CCR9: variants seen among roughly 807,000 people sequenced by gnomAD.
CCR9 encodes the protein C-C chemokine receptor type 9.
Under a neutral mutation model 8.7 loss-of-function variants are expected in CCR9, and 4 were observed. That is an observed-to-expected ratio of 0.46 (90% CI 0.23 to 1.06). The LOEUF is 1.06. Among genes scored for constraint, CCR9 ranks in the 50% least tolerant of loss-of-function variants. The pLI is 0.21. For synonymous variants in CCR9, 159 were observed against 168.8 expected (o/e 0.94, Z 0.45); for missense variants, 394 against 453.6 (o/e 0.87, Z 1.19).
intron 1 of CCR9, 25 bp from the exon 2 acceptor site, chr3:45,894,881 T>C: frequency 1.3e-6 from 2 of 1,593,750 alleles, no homozygotes; most frequent in South Asian, 2.2e-5. Context: ...GCCAGTCCAC[T>C]TTTTGATTTT....
At chr3:45,898,209 AG>A (rs983774910) in intron 2 of CCR9, among the ~76,000 whole-genome samples, 3 of 151,924 alleles carry the variant, frequency 2.0e-5, no homozygotes, top group African/African-American at 7.3e-5. Flanking sequence ...TCTATTCTCA[AG>A]TTCTTCTTTC....
chr3:45,893,533 TAGAGTTTTATACA>T (rs1702256955), intron 1 of CCR9, among the ~76,000 whole-genome samples: 1 of 152,220 alleles, frequency 6.6e-6, no homozygotes, highest in Non-Finnish European at 1.5e-5. Context: ...TTGCATTATT[TAGAGTTTTATACA>T]AGTGAAATCA....
chr3:45,901,271 G>C lies in CCR9; in HGVS notation c.483G>C (p.Arg161Ser). Residue 161 changes from arginine to serine, a missense_variant, in exon 3 of 3, where the codon AGG becomes AGC. By Grantham distance (110) the Arg-to-Ser change is moderately radical. Coordinates refer to ENST00000357632, the MANE Select transcript of CCR9 (RefSeq NM_031200.3). The surrounding 1 kb of genome is among the most constrained non-coding windows in gnomAD (Gnocchi z 4.3). ...GAGCACATACTTGGAGGGAGAAAAG[G>C]CTTTTGTACAGCAAAATGGTTTGCT... The part of the protein sequence containing the change: ...AMRAHTWREK[R>S]LLYSKMVCFT... 6.2e-7 allele frequency: 1 copy of C among 1,614,152 alleles called. No individual in the cohort carries two copies. The highest frequency in any genetic ancestry group is 1.1e-5 in the South Asian group (1 of 91,066).
chr3:45,897,378 C>T (rs1468609106), intron 2 of CCR9, among the ~76,000 whole-genome samples: 1 of 152,156 alleles, frequency 6.6e-6, no homozygotes, highest in Non-Finnish European at 1.5e-5. Context: ...TGCAAAAGCA[C>T]GAGGTCCTTA....
chr3:45,891,655 T>C (rs746288438), intron 1 of CCR9, among the ~76,000 whole-genome samples: 1 of 152,180 alleles, frequency 6.6e-6, no homozygotes, highest in Non-Finnish European at 1.5e-5. Flanking sequence ...GCACCTATTG[T>C]AATGCCCTTA....
chr3:45,894,127 C>T (rs1702274689), intron 1 of CCR9, among the ~76,000 whole-genome samples: 1 of 152,164 alleles, frequency 6.6e-6, no homozygotes, highest in South Asian at 2.1e-4. Context: ...GCTGTTGTTT[C>T]TTTGGTTATG....
Position 45,901,643 on chromosome 3 carries a change from C to G in CCR9, c.855C>G (p.Phe285Leu). The change falls in exon 3 of 3, where the codon TTC becomes TTG. Residue 285 changes from phenylalanine (F) to leucine (L), a missense_variant. Physicochemically the swap from Phe to Leu is conservative, Grantham distance 22 (BLOSUM62 0). Transcript: ENST00000357632. This position sits in a 1 kb window ranked among gnomAD's most constrained non-coding sequence, Gnocchi z 4.3. ...LVQTIDAYAM[F>L]ISNCAVSTNI... Reference sequence around the variant, plus strand: ...AGACCATTGACGCCTATGCCATGTTCATCTCCAACTGTGCCGTTTCCACCA... The same window carrying G: ...AGACCATTGACGCCTATGCCATGTTGATCTCCAACTGTGCCGTTTCCACCA... 2 of 1,614,140 alleles carry G rather than the reference C, an allele frequency of 1.2e-6. No homozygotes were observed. The highest frequency in any genetic ancestry group is 8.5e-7 in the Non-Finnish European group (1 of 1,179,964).
rs149507815 is a variant in CCR9, at chr3:45,901,046, C to T, written c.258C>T (p.Phe86=). Residue 86 remains phenylalanine (F), a synonymous_variant, in exon 3 of 3, where the codon TTC becomes TTT. Coordinates refer to ENST00000357632, the MANE Select transcript of CCR9 (RefSeq NM_031200.3). This position sits in a 1 kb window ranked among gnomAD's most constrained non-coding sequence, Gnocchi z 4.3. ...GAGTGAAGACCATGACCGACATGTT[C>T]CTTTTGAATTTGGCAATTGCTGACC... is the stretch of plus-strand genomic sequence containing the variant. ...CTRVKTMTDM[F]LLNLAIADLL... is the part of the protein sequence containing the mutation. The T allele has an allele frequency of 6.2e-7, 1 of 1,614,198 alleles. No homozygotes were observed. The highest frequency in any genetic ancestry group is 8.5e-7 in the Non-Finnish European group (1 of 1,180,038).
rs1212829378 is a variant in CCR9, at chr3:45,902,377, T to G, written c.*479T>G. 5.9e-6 allele frequency: 1 copy of G among 170,434 alleles called. No individual in the cohort carries two copies. Among genetic ancestry groups the G allele is most frequent in the African/African-American group, 2.4e-5 (1 of 41,496 alleles). 10.6% of individuals were successfully genotyped at this position (170,434 alleles called of 1,614,324 possible). A position where few individuals can be genotyped will look rare whatever the true frequency, so the allele number is the denominator to read the frequency against. On this transcript the variant is annotated 3_prime_UTR_variant, in exon 3 of 3. Transcript: ENST00000357632. ...TTTTCTACCCTGCTCTTGAGCCTGA[T>G]AACCCATGCCAGGTCTTATAGATTC...
chr3:45,889,138 C>A (rs1430883841), intron 1 of CCR9, among the ~76,000 whole-genome samples: 3 of 152,114 alleles, frequency 2.0e-5, no homozygotes, highest in Non-Finnish European at 4.4e-5. Context: ...GGGTAGGCAA[C>A]CATGCCTGGC....
At position 45,890,306 on chromosome 3, in the gene CCR9, TATATATATATTTATATAA is replaced by T. The variant is rs1702122798; in HGVS notation, c.-29+3662_-29+3679del. On this transcript the variant is annotated intron_variant, in intron 1 of 2. Transcript: ENST00000357632. ...TATTTATATAAATATATATATAACA[TATATATATATTTATATAA>T]ATATATATATAACATATATATATAA... Among the ~76,000 whole-genome samples the T allele has an allele frequency of 1.3e-4, 2 of 15,468 alleles. 1 individual carries two copies. The highest frequency in any genetic ancestry group is 2.0e-4 in the Non-Finnish European group (2 of 10,234). The allele number at this position is 15,468 out of a possible 152,430, so 10.1% of individuals were successfully genotyped here.
chr3:45,886,214 T>C (rs1370012545), upstream of CCR9, among the ~76,000 whole-genome samples: 1 of 152,044 alleles, frequency 6.6e-6, no homozygotes, highest in Non-Finnish European at 1.5e-5. Flanking sequence ...TAAAGAAATC[T>C]CATCAGTGTG....
intron 1 of CCR9, among the ~76,000 whole-genome samples, chr3:45,887,277 G>A (rs34338823): frequency 0.089 from 13,452 of 151,908 alleles, 1,028 homozygotes; most frequent in South Asian, 0.36. Context: ...GTGTGTGTGA[G>A]GTTGTGTTAC....
At chr3:45,892,771 C>T (rs1402001283) in intron 1 of CCR9, among the ~76,000 whole-genome samples, 1 of 152,008 alleles carries the variant, frequency 6.6e-6, no homozygotes, top group Non-Finnish European at 1.5e-5. Flanking sequence ...CACGTGGGTC[C>T]GTAGTGATCT....
intron 2 of CCR9, among the ~76,000 whole-genome samples, chr3:45,896,363 G>C (rs563262531): frequency 2.6e-5 from 4 of 152,200 alleles, no homozygotes; most frequent in Admixed American, 2.0e-4. Context: ...GGAGTCTGGC[G>C]CCATCTAAAT....
chr3:45,902,011 T>C lies in CCR9; in HGVS notation c.*113T>C. On this transcript the variant is annotated 3_prime_UTR_variant, in exon 3 of 3. Transcript: ENST00000357632. ...AGAGAAAAGAAAACTCAGAAAGGGA[T>C]GAATCTGAACTATATGATTACTTGT... The C allele has an allele frequency of 1.0e-5, 9 of 897,822 alleles. No homozygotes were observed. Among genetic ancestry groups the C allele is most frequent in the Non-Finnish European group, 1.5e-5 (9 of 593,544 alleles). The allele number at this position is 897,822 out of a possible 1,614,324, so 55.6% of individuals were successfully genotyped here. A position where few individuals can be genotyped will look rare whatever the true frequency, so the allele number is the denominator to read the frequency against.
chr3:45,901,555 C>T lies in CCR9; in HGVS notation c.767C>T (p.Thr256Ile), dbSNP rs149823113. ...KSSKHKALKV[T>I]ITVLTVFVLS... ...TCCAAGCACAAAGCCCTAAAAGTGA[C>T]CATCACTGTCCTGACCGTCTTTGTC... The change falls in exon 3 of 3, where the codon ACC becomes ATC. Residue 256 changes from threonine (T) to isoleucine (I), a missense_variant. Coordinates refer to ENST00000357632, the MANE Select transcript of CCR9 (RefSeq NM_031200.3). The surrounding 1 kb of genome is among the most constrained non-coding windows in gnomAD (Gnocchi z 4.3). 1.1e-4 allele frequency: 177 copies of T among 1,614,190 alleles called. 3 individuals are homozygous for T. In the East Asian group the frequency reaches 3.5e-3, roughly 32 times the overall value.
At position 45,900,229 on chromosome 3, in the gene CCR9, G is replaced by A. The variant is rs1331975776; in HGVS notation, c.22-581G>A. On this transcript the variant is annotated intron_variant, in intron 2 of 2. Transcript: ENST00000357632. The surrounding 1 kb of genome is among the most constrained non-coding windows in gnomAD (Gnocchi z 4.7). The stretch of plus-strand genomic sequence containing the variant: ...AACTATAGAGCAGGTCATGGTGCTT[G>A]TGTGTGTATGTAGGGTTGAGAGTGT... 6.6e-6 allele frequency among the ~76,000 whole-genome samples: 1 copy of A among 152,112 alleles called. No individual in the cohort carries two copies. Among genetic ancestry groups the A allele is most frequent in the Admixed American group, 6.5e-5 (1 of 15,268 alleles).
chr3:45,895,644 G>C (rs573661061), intron 2 of CCR9, among the ~76,000 whole-genome samples: 1 of 152,084 alleles, frequency 6.6e-6, no homozygotes, highest in Non-Finnish European at 1.5e-5. Flanking sequence ...AGCCTGGGAG[G>C]TGGAGGTTGC....
Sources: allele counts gnomAD v4.1 joint callset (sites outside exome capture counted in the v4.1 genomes callset), GRCh38; gene constraint gnomAD v4.1.1; non-coding constraint Gnocchi (gnomAD v3.1); transcripts MANE v1.5; gene names NCBI Gene and HGNC (gene_info 2026-07-23, HGNC 2026-07-21).